The following C6 variants were observed in gnomAD, a reference collection of about 807,000 sequenced individuals.
C6 encodes the protein complement C6, also known as complement component C6.
A neutral mutation model predicts 112.9 loss-of-function variants in C6; 101 were observed. That is an observed-to-expected ratio of 0.89 (90% CI 0.76 to 1.06). C6 has a LOEUF of 1.06. Among genes scored for constraint, C6 ranks in the 50% least tolerant of loss-of-function variants. The probability of loss-of-function intolerance (pLI) is 0.00; values close to 1 mark genes in which losing one functional copy is unlikely to be tolerated. For missense variants in C6, 1,202 were observed against 1,104.6 expected, an observed-to-expected ratio of 1.09 and a Z score of -1.25; for synonymous variants, 431 against 384.1, an observed-to-expected ratio of 1.12 and a Z score of -1.43.
intron 5 of C6, among the ~76,000 whole-genome samples, chr5:41,195,485 A>T (rs544240427): frequency 2.5e-4 from 38 of 152,242 alleles, no homozygotes; most frequent in African/African-American, 8.9e-4. Context: ...ATGGGCTTAG[A>T]CCAGTCTGCT....
intron 1 of C6, among the ~76,000 whole-genome samples, chr5:41,210,340 T>C (rs1396508774): frequency 6.6e-6 from 1 of 152,120 alleles, no homozygotes; most frequent in Non-Finnish European, 1.5e-5. Context: ...CCAAAAGCAA[T>C]GGCAACAAAA....
At chr5:41,186,397 A>G in intron 5 of C6, 189 bp from the exon 6 acceptor site, 1 of 616,370 alleles carries the variant, frequency 1.6e-6, no homozygotes, top group South Asian at 2.0e-5. Context: ...GGAAAGCCCA[A>G]ACTCAGCTTC....
chr5:41,160,547 A>G (rs1747390633), intron 10 of C6, among the ~76,000 whole-genome samples, 180 bp from the exon 11 acceptor site: 2 of 152,198 alleles, frequency 1.3e-5, no homozygotes, highest in African/African-American at 4.8e-5. Flanking sequence ...ACCTGTGGAC[A>G]GGTGTGATGT....
chr5:41,210,436 C>G (rs189710327), intron 1 of C6, among the ~76,000 whole-genome samples: 1 of 152,282 alleles, frequency 6.6e-6, no homozygotes, highest in East Asian at 1.9e-4. Context: ...AGGCAACCTA[C>G]AGAATGGGAG....
At chr5:41,169,322 C>T (rs752262876) in intron 9 of C6, among the ~76,000 whole-genome samples, 4 of 151,998 alleles carry the variant, frequency 2.6e-5, no homozygotes, top group Non-Finnish European at 5.9e-5. Context: ...CATACGCACA[C>T]ACACACAGGC....
intron 8 of C6, 194 bp from the exon 9 acceptor site, chr5:41,172,541 T>C: frequency 1.6e-6 from 1 of 630,876 alleles, no homozygotes; most frequent in Non-Finnish European, 2.8e-6. Flanking sequence ...CCAGAGATGA[T>C]CCTGAACAGG....
chr5:41,142,167 A>C lies in C6; in HGVS notation c.*658T>G, dbSNP rs150777213. The C allele has an allele frequency of 0.017, 2,638 of 152,744 alleles. 44 individuals are homozygous for C. The highest frequency in any genetic ancestry group is 0.05 in the Admixed American group (768 of 15,334). 9.5% of individuals were successfully genotyped at this position (152,744 alleles called of 1,614,324 possible). On this transcript the variant is annotated 3_prime_UTR_variant, in exon 18 of 18. Coordinates refer to ENST00000337836, the MANE Select transcript of C6 (RefSeq NM_000065.5). ...ATGGAATATTTCCTTGCATAAGATG[A>C]TAATTAAGGATGGGACTCACCCTTC...
intron 1 of C6, among the ~76,000 whole-genome samples, chr5:41,228,562 A>G (rs890000112): frequency 2.0e-5 from 3 of 152,086 alleles, no homozygotes; most frequent in Non-Finnish European, 2.9e-5. Context: ...TCAATCTTTC[A>G]CTGTTGAGTA....
At chr5:41,247,466 T>G (rs898137727) in intron 1 of C6, among the ~76,000 whole-genome samples, 1 of 151,830 alleles carries the variant, frequency 6.6e-6, no homozygotes, top group Admixed American at 6.6e-5. Flanking sequence ...AATAAAATAT[T>G]TAGAAATATA....
At chr5:41,248,459 A>T (rs1362626899) in intron 1 of C6, among the ~76,000 whole-genome samples, 2 of 152,240 alleles carry the variant, frequency 1.3e-5, no homozygotes, top group Admixed American at 1.3e-4. Flanking sequence ...TCCATTAGGA[A>T]CTTAAACAAT....
intron 5 of C6, among the ~76,000 whole-genome samples, chr5:41,188,024 A>G (rs1017915862): frequency 6.6e-6 from 1 of 152,200 alleles, no homozygotes; most frequent in African/African-American, 2.4e-5. Context: ...AAACAATTCC[A>G]TTTATAATAG....
chr5:41,199,765 T>G lies in C6; in HGVS notation c.445+3A>C, dbSNP rs754103969. 20 of 1,613,406 alleles carry G rather than the reference T, an allele frequency of 1.2e-5. No individual in the cohort carries two copies. Among genetic ancestry groups the G allele is most frequent in the Non-Finnish European group, 1.5e-5 (18 of 1,179,558 alleles). On this transcript the variant is annotated splice_donor_region_variant and intron_variant, in intron 4 of 17. Transcript: ENST00000337836. ...GACTGAACATTTCACAAAAATACAT[T>G]ACCACTGTCACAGCGAAATTTATTC...
intron 1 of C6, among the ~76,000 whole-genome samples, chr5:41,229,466 A>G (rs937457775): frequency 1.1e-4 from 17 of 151,664 alleles, no homozygotes; most frequent in Admixed American, 9.8e-4. Flanking sequence ...TTTAATTTAC[A>G]CATATTTATA....
intron 1 of C6, among the ~76,000 whole-genome samples, chr5:41,238,266 G>T (rs1022826884): frequency 7.1e-6 from 1 of 141,386 alleles, no homozygotes; most frequent in African/African-American, 2.7e-5. Flanking sequence ...AGCCCGCATC[G>T]CCAAGTCAAT....
At chr5:41,219,152 G>A (rs992967237) in intron 1 of C6, among the ~76,000 whole-genome samples, 3 of 152,096 alleles carry the variant, frequency 2.0e-5, no homozygotes, top group South Asian at 2.1e-4. Context: ...CCTGATGCCA[G>A]CCCTGAGCCT....
chr5:41,174,947 G>A (rs1748714809), intron 8 of C6, among the ~76,000 whole-genome samples: 1 of 152,138 alleles, frequency 6.6e-6, no homozygotes. Flanking sequence ...ATTTCTGTCT[G>A]GGTGTGCTTC....
chr5:41,239,524 A>G (rs940093028), intron 1 of C6, among the ~76,000 whole-genome samples: 4 of 152,110 alleles, frequency 2.6e-5, no homozygotes, highest in Non-Finnish European at 5.9e-5. Flanking sequence ...CACTATATAT[A>G]GTATATAGTC....
At chr5:41,168,887 C>T (rs996011023) in intron 9 of C6, among the ~76,000 whole-genome samples, 2 of 152,144 alleles carry the variant, frequency 1.3e-5, no homozygotes, top group Admixed American at 6.6e-5. Flanking sequence ...GAATGGCAAG[C>T]CTTGTAGAGA....
intron 5 of C6, among the ~76,000 whole-genome samples, chr5:41,190,038 G>C (rs7723986): frequency 0.42 from 63,638 of 151,914 alleles, 13,606 homozygotes; most frequent in African/African-American, 0.45. Flanking sequence ...GATTCCATAT[G>C]TTGGTTATTG....
Sources: allele counts gnomAD v4.1 joint callset (sites outside exome capture counted in the v4.1 genomes callset), GRCh38; gene constraint gnomAD v4.1.1; transcripts MANE v1.5; gene names NCBI Gene and HGNC (gene_info 2026-07-23, HGNC 2026-07-21).